The following B3GALT1 variants were observed in gnomAD, a reference collection of about 807,000 sequenced individuals.
B3GALT1 encodes the protein UDP-Gal:betaGlcNAc beta 1,3-galactosyltransferase, polypeptide 1.
Under a neutral mutation model 23.2 loss-of-function variants are expected in B3GALT1, and 10 were observed. The ratio of observed to expected loss-of-function variants is 0.43; its 90% confidence interval spans 0.27 to 0.73. The LOEUF (loss-of-function observed/expected upper bound fraction) is 0.73. B3GALT1 is among the 30% of genes least tolerant of loss of function. B3GALT1 has a pLI of 0.21. For missense variants in B3GALT1, 299 were observed against 405.4 expected (o/e 0.74, Z 2.25); for synonymous variants, 156 against 141.5 (o/e 1.10, Z -0.73).
intron 4 of B3GALT1, among the ~76,000 whole-genome samples, chr2:167,825,304 AAAAAG>A (rs910345793): frequency 6.1e-5 from 9 of 148,304 alleles, no homozygotes; most frequent in African/African-American, 2.2e-4. Context: ...AAAAAACAGA[AAAAAG>A]AAAACAAGCA....
intron 3 of B3GALT1, among the ~76,000 whole-genome samples, chr2:167,749,300 G>GT (rs1161884137): frequency 1.3e-5 from 2 of 152,052 alleles, no homozygotes; most frequent in Non-Finnish European, 2.9e-5. Flanking sequence ...TGTCATATCC[G>GT]TTCTCTGGTA....
Position 167,480,353 on chromosome 2 carries a change from A to G in B3GALT1, c.-510-9824A>G, listed in dbSNP as rs145473470. 2.6e-5 allele frequency among the ~76,000 whole-genome samples: 4 copies of G among 152,324 alleles called. No individual in the cohort carries two copies. The East Asian group carries it at 7.7e-4, about 29-fold the overall frequency. On this transcript the variant is annotated intron_variant, in intron 1 of 4. Transcript: ENST00000392690. ...CCCATGCCTAGCCAGCCCCACACCC[A>G]GGAATGAGCGAAGCCAGCAGCCTGC...
chr2:167,637,021 T>C (rs1685567892), intron 2 of B3GALT1, among the ~76,000 whole-genome samples: 2 of 151,768 alleles, frequency 1.3e-5, no homozygotes, highest in Admixed American at 6.6e-5. Context: ...AGGTACTCAG[T>C]AGTATGCCCT....
intron 3 of B3GALT1, among the ~76,000 whole-genome samples, chr2:167,690,769 AC>A (rs1276155045): frequency 6.6e-6 from 1 of 152,154 alleles, no homozygotes; most frequent in Non-Finnish European, 1.5e-5. Context: ...TGCAGGGTCT[AC>A]TTTTTAGAAA....
intron 2 of B3GALT1, among the ~76,000 whole-genome samples, chr2:167,613,318 C>A (rs1195641974): frequency 6.6e-6 from 1 of 151,756 alleles, no homozygotes; most frequent in Admixed American, 6.6e-5. Flanking sequence ...AAATATGGTA[C>A]ATTCATATAG....
chr2:167,561,571 A>C (rs1178549006), intron 2 of B3GALT1, among the ~76,000 whole-genome samples: 2 of 152,298 alleles, frequency 1.3e-5, no homozygotes, highest in East Asian at 3.9e-4. Context: ...AGACTAATGA[A>C]GAAAAAAAGA....
At chr2:167,457,921 A>C (rs940855773) in intron 1 of B3GALT1, among the ~76,000 whole-genome samples, 1 of 152,208 alleles carries the variant, frequency 6.6e-6, no homozygotes, top group Admixed American at 6.5e-5. Flanking sequence ...GATTCTGTAC[A>C]CACTTATTTG....
chr2:167,730,828 A>T (rs888568030), intron 3 of B3GALT1, among the ~76,000 whole-genome samples: 23 of 152,228 alleles, frequency 1.5e-4, no homozygotes, highest in African/African-American at 5.3e-4. Context: ...AAAACAAGAC[A>T]CAAAATCAGT....
At chr2:167,728,233 C>CA (rs1314648126) in intron 3 of B3GALT1, among the ~76,000 whole-genome samples, 1 of 152,042 alleles carries the variant, frequency 6.6e-6, no homozygotes, top group African/African-American at 2.4e-5. Flanking sequence ...ACTAAAAATA[C>CA]AAAAATTAGC....
chr2:167,770,871 C>T (rs893668349), intron 3 of B3GALT1, among the ~76,000 whole-genome samples: 1 of 152,132 alleles, frequency 6.6e-6, no homozygotes, highest in Non-Finnish European at 1.5e-5. Flanking sequence ...ATTTTTATTT[C>T]AGTGAAGGCA....
At chr2:167,667,740 C>T (rs576852396) in intron 3 of B3GALT1, among the ~76,000 whole-genome samples, 1 of 152,332 alleles carries the variant, frequency 6.6e-6, no homozygotes, top group South Asian at 2.1e-4. Flanking sequence ...CAGTTGATCG[C>T]ATCGGCTGAG....
intron 3 of B3GALT1, among the ~76,000 whole-genome samples, chr2:167,775,510 A>G (rs1210161006): frequency 1.3e-5 from 2 of 150,718 alleles, no homozygotes. Context: ...CAGAGGTTGC[A>G]GTGAGCCGAG....
rs866187264 is a variant in B3GALT1, at chr2:167,456,322, G to A, written c.-510-33855G>A. On this transcript the variant is annotated intron_variant, in intron 1 of 4. Coordinates refer to ENST00000392690, the MANE Select transcript of B3GALT1 (RefSeq NM_020981.4). Reference sequence around the variant, plus strand: ...ACTCACTTATCACTAAGGTGATGGAGCTAAGCCGTTCATGAGGGATCTGCC... The same window carrying A: ...ACTCACTTATCACTAAGGTGATGGAACTAAGCCGTTCATGAGGGATCTGCC... 3.3e-5 allele frequency among the ~76,000 whole-genome samples: 5 copies of A among 152,264 alleles called. No homozygotes were observed. The South Asian group carries it at 1.0e-3, about 32-fold the overall frequency.
At chr2:167,695,992 T>A (rs1686786351) in intron 3 of B3GALT1, among the ~76,000 whole-genome samples, 2 of 152,126 alleles carry the variant, frequency 1.3e-5, no homozygotes, top group Admixed American at 1.3e-4. Context: ...CATATTTCAC[T>A]GGCTAGAATG....
intron 1 of B3GALT1, among the ~76,000 whole-genome samples, chr2:167,444,842 GA>G (rs1698955810): frequency 6.6e-6 from 1 of 151,880 alleles, no homozygotes; most frequent in Non-Finnish European, 1.5e-5. Flanking sequence ...ATTTTTTGAA[GA>G]GTTTTTTGTG....
At chr2:167,810,082 C>T (rs1219361717) in intron 3 of B3GALT1, among the ~76,000 whole-genome samples, 1 of 144,588 alleles carries the variant, frequency 6.9e-6, no homozygotes, top group Admixed American at 6.7e-5. Flanking sequence ...ACCCCCTGAG[C>T]CACGCGTGGG....
intron 1 of B3GALT1, among the ~76,000 whole-genome samples, chr2:167,475,458 C>T (rs997505630): frequency 1.3e-5 from 2 of 151,838 alleles, no homozygotes; most frequent in African/African-American, 4.8e-5. Flanking sequence ...AAGTTTTTGA[C>T]CTAAGAGAAG....
chr2:167,856,359 G>A (rs1409399748), intron 4 of B3GALT1, among the ~76,000 whole-genome samples: 2 of 152,098 alleles, frequency 1.3e-5, no homozygotes, highest in African/African-American at 2.4e-5. Flanking sequence ...AATATGCAGG[G>A]CTATAAAGTG....
intron 2 of B3GALT1, among the ~76,000 whole-genome samples, chr2:167,565,165 A>G (rs1684131015): frequency 1.3e-5 from 2 of 152,156 alleles, no homozygotes; most frequent in African/African-American, 4.8e-5. Context: ...AGAGATATAG[A>G]TCAATGGAAC....
Sources: allele counts gnomAD v4.1 joint callset (sites outside exome capture counted in the v4.1 genomes callset), GRCh38; gene constraint gnomAD v4.1.1; transcripts MANE v1.5; gene names NCBI Gene and HGNC (gene_info 2026-07-23, HGNC 2026-07-21).